The following SLC25A21 variants were observed in gnomAD, a reference collection of about 807,000 sequenced individuals.
SLC25A21 encodes the protein solute carrier family 25 member 21, also known as mitochondrial 2-oxodicarboxylate carrier.
Under a neutral mutation model 43.8 loss-of-function variants are expected in SLC25A21, and 47 were observed. The ratio of observed to expected loss-of-function variants is 1.07; its 90% CI spans 0.85 to 1.37. SLC25A21 has a LOEUF of 1.37. Ranked by LOEUF, SLC25A21 falls within the 40% of genes most tolerant of loss-of-function variation. The pLI is 0.00. For missense variants in SLC25A21, 352 were observed against 350.2 expected, an observed-to-expected ratio of 1.00 and a Z score of -0.04; for synonymous variants, 131 against 121.3, an observed-to-expected ratio of 1.08 and a Z score of -0.52.
intron 3 of SLC25A21, among the ~76,000 whole-genome samples, chr14:36,812,379 C>T (rs911963368): frequency 1.3e-5 from 2 of 151,732 alleles, no homozygotes; most frequent in Non-Finnish European, 2.9e-5. Context: ...TTATAGAAAA[C>T]ATGCATATCA....
At chr14:37,113,867 A>AAAAG (rs956511868) in intron 1 of SLC25A21, among the ~76,000 whole-genome samples, 2 of 151,618 alleles carry the variant, frequency 1.3e-5, no homozygotes, top group African/African-American at 4.8e-5. Flanking sequence ...AAAAAAAAAA[A>AAAAG]AAAGAAATAA....
intron 6 of SLC25A21, among the ~76,000 whole-genome samples, chr14:36,724,564 C>T (rs1884513100): frequency 6.6e-6 from 1 of 152,206 alleles, no homozygotes; most frequent in Non-Finnish European, 1.5e-5. Context: ...AATGCCAATC[C>T]CCTTGTTTTC....
chr14:36,867,021 GAGCCAGCGCTGCTCTAGA>G (rs1890232336), intron 2 of SLC25A21, among the ~76,000 whole-genome samples: 2 of 152,116 alleles, frequency 1.3e-5, no homozygotes, highest in Non-Finnish European at 2.9e-5. Flanking sequence ...TTGTTTCAAT[GAGCCAGCGCTGCTCTAGA>G]TGGAGTCTGG....
chr14:37,002,151 A>G lies in SLC25A21; in HGVS notation c.71-127147T>C, dbSNP rs752693159. On this transcript the variant is annotated intron_variant, in intron 1 of 9. Coordinates refer to ENST00000331299, the MANE Select transcript of SLC25A21 (RefSeq NM_030631.4). Reference sequence around the variant, plus strand: ...GGCAGAGGAACACAGAAATAATTATAATGTATGAAACCAAGCAAAAAGCAC... The same window carrying G: ...GGCAGAGGAACACAGAAATAATTATGATGTATGAAACCAAGCAAAAAGCAC... Among the ~76,000 whole-genome samples, 170 of 152,246 alleles carry G rather than the reference A, an allele frequency of 1.1e-3. 2 individuals are homozygous for G. The highest frequency in any genetic ancestry group is 3.4e-3 in the Middle Eastern group (1 of 294).
chr14:37,046,091 T>C (rs1327325884), intron 1 of SLC25A21, among the ~76,000 whole-genome samples: 2 of 152,126 alleles, frequency 1.3e-5, no homozygotes, highest in Non-Finnish European at 2.9e-5. Context: ...GGCCACAAAA[T>C]CACAAAGAAG....
Position 37,029,063 on chromosome 14 carries a change from T to A in SLC25A21, c.70+143218A>T, listed in dbSNP as rs114648710. On this transcript the variant is annotated intron_variant, in intron 1 of 9. Transcript: ENST00000331299. The stretch of plus-strand genomic sequence containing the variant: ...TTTTATTCTCCAATATGTTTCCACA[T>A]TATGATCTTTCTTTGGGGTCAATGT... Among the ~76,000 whole-genome samples, 1,285 of 152,286 alleles carry A rather than the reference T, an allele frequency of 8.4e-3. 13 individuals are homozygous for A. The highest frequency in any genetic ancestry group is 0.03 in the African/African-American group (1,227 of 41,562).
chr14:36,812,061 A>C (rs1184317158), intron 3 of SLC25A21, among the ~76,000 whole-genome samples: 1 of 152,204 alleles, frequency 6.6e-6, no homozygotes, highest in Non-Finnish European at 1.5e-5. Flanking sequence ...AATACATAAT[A>C]AGTACCTACA....
At chr14:37,110,834 T>C (rs1414622382) in intron 1 of SLC25A21, among the ~76,000 whole-genome samples, 2 of 152,216 alleles carry the variant, frequency 1.3e-5, no homozygotes, top group Non-Finnish European at 2.9e-5. Flanking sequence ...TACCTGTTAC[T>C]TGGTTTTGAA....
chr14:36,789,302 T>G (rs1887359662), intron 3 of SLC25A21, among the ~76,000 whole-genome samples: 1 of 152,070 alleles, frequency 6.6e-6, no homozygotes, highest in South Asian at 2.1e-4. Context: ...TGGTTTTCCT[T>G]AAAGTATTTC....
intron 1 of SLC25A21, among the ~76,000 whole-genome samples, chr14:36,929,478 T>C (rs373655900): frequency 4.6e-5 from 7 of 152,288 alleles, no homozygotes; most frequent in East Asian, 3.9e-4. Flanking sequence ...TTGCAATTGT[T>C]TTTTTGTTTT....
At chr14:36,709,209 C>T (rs560088097) in intron 7 of SLC25A21, among the ~76,000 whole-genome samples, 1 of 152,036 alleles carries the variant, frequency 6.6e-6, no homozygotes, top group African/African-American at 2.4e-5. Context: ...GTCTTACAGT[C>T]TGAAAAACAG....
At chr14:36,835,614 G>C (rs554878363) in intron 2 of SLC25A21, among the ~76,000 whole-genome samples, 17 of 152,232 alleles carry the variant, frequency 1.1e-4, no homozygotes, top group African/African-American at 4.1e-4. Flanking sequence ...AAACACAAAG[G>C]ATACAATTCA....
chr14:36,736,196 A>C (rs1224634920), intron 3 of SLC25A21, among the ~76,000 whole-genome samples: 1 of 152,014 alleles, frequency 6.6e-6, no homozygotes, highest in Non-Finnish European at 1.5e-5. Flanking sequence ...TGGCCTCCCA[A>C]AGTGCTGGGA....
In SLC25A21 at chr14:36,678,723, C is replaced by T. The variant is rs1485294733; in HGVS notation, c.*1935G>A. On this transcript the variant is annotated 3_prime_UTR_variant, in exon 10 of 10. Transcript: ENST00000331299. The stretch of plus-strand genomic sequence containing the variant: ...TTTCTTTATCTAAATTAAGAAATCT[C>T]TTGTTATTGTGCTATTTATAATTTT... 1 of 1,197,290 alleles carries T rather than the reference C, an allele frequency of 8.4e-7. No individual in the cohort carries two copies. Among genetic ancestry groups the T allele is most frequent in the Non-Finnish European group, 1.0e-6 (1 of 960,886 alleles). 74.2% of individuals were successfully genotyped at this position (1,197,290 alleles called of 1,614,324 possible). A position where few individuals can be genotyped will look rare whatever the true frequency, so the allele number is the denominator to read the frequency against.
intron 1 of SLC25A21, among the ~76,000 whole-genome samples, chr14:37,147,834 T>TTTTTC (rs1328860607): frequency 1.3e-5 from 1 of 76,482 alleles, no homozygotes; most frequent in Non-Finnish European, 2.8e-5. Flanking sequence ...CTTTTTCTTT[T>TTTTTC]TTTTCTTTTC....
chr14:36,793,414 A>G (rs1409852320), intron 3 of SLC25A21, among the ~76,000 whole-genome samples: 3 of 152,082 alleles, frequency 2.0e-5, no homozygotes, highest in African/African-American at 7.2e-5. Flanking sequence ...CATGCCTCTA[A>G]GCACTGAGGA....
chr14:36,935,063 C>A (rs1469705442), intron 1 of SLC25A21, among the ~76,000 whole-genome samples: 5 of 151,950 alleles, frequency 3.3e-5, no homozygotes, highest in Non-Finnish European at 5.9e-5. Flanking sequence ...GAAGATAACT[C>A]AAAATATCCT....
intron 6 of SLC25A21, among the ~76,000 whole-genome samples, chr14:36,720,665 T>A (rs72679770): frequency 0.014 from 2,162 of 152,372 alleles, 32 homozygotes; most frequent in Non-Finnish European, 0.022. Context: ...GAAGGCTTAA[T>A]CGAGAATTCA....
At chr14:37,165,576 G>A (rs1004136568) in intron 1 of SLC25A21, among the ~76,000 whole-genome samples, 1 of 152,178 alleles carries the variant, frequency 6.6e-6, no homozygotes, top group Non-Finnish European at 1.5e-5. Context: ...TGGGAGGCAG[G>A]AGGAGGGTCC....
Sources: gnomAD v4.1 joint callset for allele counts (sites outside exome capture counted in the v4.1 genomes callset) on GRCh38, gnomAD v4.1.1 for gene constraint, MANE v1.5 for transcripts, NCBI Gene and HGNC (gene_info 2026-07-23, HGNC 2026-07-21) for gene names.